Variants in CFAP47 observed in about 807,000 individuals in gnomAD.
CFAP47 encodes the protein cilia- and flagella-associated protein 47.
A neutral mutation model predicts 148.1 loss-of-function variants in CFAP47; 29 were observed. That is an observed-to-expected ratio of 0.20 (90% CI 0.15 to 0.27). The LOEUF is 0.27. CFAP47 is among the 10% of genes least tolerant of loss of function. CFAP47 has a pLI of 1.00. For missense variants in CFAP47, 1,872 were observed against 1,697.5 expected, an observed-to-expected ratio of 1.10 and a Z score of -1.81; for synonymous variants, 664 against 577.3, an observed-to-expected ratio of 1.15 and a Z score of -2.15.
intron 21 of CFAP47, among the ~76,000 whole-genome samples, chrX:36,012,508 C>A (rs1367215176): frequency 4.5e-5 from 5 of 111,896 alleles, no homozygotes; most frequent in Non-Finnish European, 7.5e-5. Flanking sequence ...AGAGCATGCC[C>A]TTTGCAGGGA....
intron 22 of CFAP47, among the ~76,000 whole-genome samples, chrX:36,026,868 C>T (rs936325474): frequency 1.8e-5 from 2 of 109,297 alleles, no homozygotes; most frequent in African/African-American, 3.3e-5. Context: ...TGATATAATT[C>T]GATTGAATAT....
chrX:36,046,642 T>G (rs760204975), intron 25 of CFAP47, among the ~76,000 whole-genome samples: 1 of 111,603 alleles, frequency 9.0e-6, no homozygotes, highest in East Asian at 2.8e-4. Context: ...AAGGAATATT[T>G]GATCATCTCA....
At chrX:36,380,545 G>A (rs782639972) in intron 63 of CFAP47, among the ~76,000 whole-genome samples, 1 of 111,841 alleles carries the variant, frequency 8.9e-6, no homozygotes, top group Non-Finnish European at 1.9e-5. Flanking sequence ...ACGGGTTCAC[G>A]CCATTCTCCT....
At chrX:36,303,281 G>C (rs781861999) in intron 53 of CFAP47, among the ~76,000 whole-genome samples, 2 of 111,448 alleles carry the variant, frequency 1.8e-5, no homozygotes, top group Non-Finnish European at 3.8e-5. Flanking sequence ...CAAACACCTG[G>C]GCTAGAGCGA....
In CFAP47 at chrX:36,385,030, G is replaced by T; in HGVS notation, c.*24G>T. On this transcript the variant is annotated 3_prime_UTR_variant, in exon 64 of 64. Transcript: ENST00000378653. ...AAAATTTTTTTCCAAAATATTTCTT[G>T]GTCTCAGGTAGAACTTTGATGACTA... 1.0e-6 allele frequency: 1 copy of T among 1,003,104 alleles called. No homozygotes were observed. Among genetic ancestry groups the T allele is most frequent in the South Asian group, 2.1e-5 (1 of 47,729 alleles). 82.7% of individuals were successfully genotyped at this position (1,003,104 alleles called of 1,213,427 possible). A position where few individuals can be genotyped will look rare whatever the true frequency, so the allele number is the denominator to read the frequency against.
chrX:36,054,487 T>G (rs1367115708), intron 26 of CFAP47, among the ~76,000 whole-genome samples: 1 of 112,111 alleles, frequency 8.9e-6, no homozygotes, highest in Admixed American at 9.5e-5. Context: ...AAACCAACTT[T>G]ATTATATCAA....
chrX:36,071,464 C>G (rs1393176158), intron 27 of CFAP47, among the ~76,000 whole-genome samples: 1 of 112,158 alleles, frequency 8.9e-6, no homozygotes, highest in African/African-American at 3.2e-5. Flanking sequence ...TTATTTTGAA[C>G]AGCGTATGTA....
chrX:36,172,820 A>T lies in CFAP47; in HGVS notation c.6027-6525A>T, dbSNP rs1167502412. On this transcript the variant is annotated intron_variant, in intron 39 of 63. Transcript: ENST00000378653. ...AGGATGATGCTGGCCTCATAAAATG[A>T]GTTAGGGAGGATTCCCTCTTTTTCT... is the stretch of plus-strand genomic sequence containing the variant. Among the ~76,000 whole-genome samples, 12 of 111,809 alleles carry T rather than the reference A, an allele frequency of 1.1e-4. No individual in the cohort carries two copies. In the South Asian group the frequency reaches 1.1e-3, roughly 11 times the overall value.
chrX:35,924,211 G>C (rs1013007351), intron 1 of CFAP47, among the ~76,000 whole-genome samples: 1 of 104,263 alleles, frequency 9.6e-6, no homozygotes, highest in Non-Finnish European at 1.9e-5. Context: ...GGACATGTAT[G>C]TGTGCATGTA....
At chrX:35,962,706 T>G (rs1242496039) in intron 8 of CFAP47, among the ~76,000 whole-genome samples, 1 of 111,167 alleles carries the variant, frequency 9.0e-6, no homozygotes, top group Admixed American at 9.6e-5. Flanking sequence ...ATACAATGTG[T>G]ACCTCTTGTG....
At chrX:36,207,884 C>G (rs887264753) in intron 45 of CFAP47, among the ~76,000 whole-genome samples, 85 of 111,680 alleles carry the variant, frequency 7.6e-4, no homozygotes, top group African/African-American at 2.7e-3. Context: ...CCCCAATATA[C>G]AGAGTCCTAT....
chrX:36,033,067 T>C (rs944120410), intron 23 of CFAP47, among the ~76,000 whole-genome samples: 2 of 111,995 alleles, frequency 1.8e-5, no homozygotes, highest in Admixed American at 9.5e-5. Context: ...TGCTAACACG[T>C]TGATCTTAGC....
chrX:36,296,041 A>C (rs1486185016), intron 51 of CFAP47, among the ~76,000 whole-genome samples: 1 of 111,919 alleles, frequency 8.9e-6, no homozygotes, highest in Non-Finnish European at 1.9e-5. Flanking sequence ...GCATTCAACA[A>C]TTGCTCTCTG....
intron 21 of CFAP47, among the ~76,000 whole-genome samples, chrX:36,003,789 G>GA (rs1160164279): frequency 9.3e-6 from 1 of 108,065 alleles, no homozygotes; most frequent in African/African-American, 3.4e-5. Context: ...TCAGGCAAGA[G>GA]AAAAAAATAA....
chrX:36,375,535 A>G (rs1942014825), intron 62 of CFAP47, among the ~76,000 whole-genome samples: 1 of 112,159 alleles, frequency 8.9e-6, no homozygotes, highest in South Asian at 3.6e-4. Flanking sequence ...GCTGTTATGT[A>G]CATTTATCTA....
intron 40 of CFAP47, among the ~76,000 whole-genome samples, chrX:36,188,410 CGTTT>C (rs781833377): frequency 1.8e-5 from 2 of 111,117 alleles, no homozygotes; most frequent in South Asian, 7.6e-4. Flanking sequence ...GAAATATGGA[CGTTT>C]GTTAGTTTTC....
intron 33 of CFAP47, among the ~76,000 whole-genome samples, chrX:36,122,271 G>A (rs974265414): frequency 4.5e-5 from 5 of 110,693 alleles, no homozygotes; most frequent in African/African-American, 1.6e-4. Context: ...TAAATTGCTG[G>A]GGGTAGTCTT....
intron 51 of CFAP47, 41 bp from the exon 52 acceptor site, chrX:36,298,936 T>C (rs1229742716): frequency 6.8e-6 from 6 of 884,368 alleles, no homozygotes; most frequent in Non-Finnish European, 9.6e-6. Flanking sequence ...GACTCCATGC[T>C]GACACTAAAA....
chrX:35,928,076 C>G (rs1028347231), intron 2 of CFAP47, among the ~76,000 whole-genome samples: 2 of 108,073 alleles, frequency 1.9e-5, no homozygotes, highest in Non-Finnish European at 3.8e-5. Flanking sequence ...GGGACAGATT[C>G]CAGTTTTTAG....
Sources: gnomAD v4.1 joint callset for allele counts (sites outside exome capture counted in the v4.1 genomes callset) on GRCh38, gnomAD v4.1.1 for gene constraint, MANE v1.5 for transcripts, NCBI Gene and HGNC (gene_info 2026-07-23, HGNC 2026-07-21) for gene names.